MTMR9: variants seen among roughly 807,000 people sequenced by gnomAD.
MTMR9 encodes the protein myotubularin related protein 9, also known as myotubularin-related protein 9.
MTMR9 carries 39 observed loss-of-function variants against 69.5 expected under a neutral mutation model. The observed-to-expected ratio is 0.56, with a 90% confidence interval of 0.43 to 0.73. MTMR9 has a LOEUF of 0.73. Among genes scored for constraint, MTMR9 ranks in the 30% least tolerant of loss-of-function variants. MTMR9 has a pLI of 0.00. For synonymous variants in MTMR9, 354 were observed against 240.8 expected, an observed-to-expected ratio of 1.47 and a Z score of -4.35; for missense variants, 900 against 671.2, an observed-to-expected ratio of 1.34 and a Z score of -3.77.
chr8:11,331,981 T>G, downstream of MTMR9: 1 of 1,611,948 alleles, frequency 6.2e-7, no homozygotes, highest in Non-Finnish European at 8.5e-7. Context: ...GAGGTGGTTG[T>G]GGCCCTTATA....
At chr8:11,313,908 G>T (rs369975207) in intron 6 of MTMR9, among the ~76,000 whole-genome samples, 7 of 152,324 alleles carry the variant, frequency 4.6e-5, no homozygotes, top group African/African-American at 1.7e-4. Context: ...GAAAATGGGT[G>T]CCAGCATACT....
downstream of MTMR9, among the ~76,000 whole-genome samples, chr8:11,330,275 C>T (rs964887364): frequency 4.0e-5 from 6 of 151,660 alleles, no homozygotes; most frequent in South Asian, 8.3e-4. Flanking sequence ...GGCCAGCCGC[C>T]CTGTCCGGGA....
At chr8:11,288,027 A>G (rs1159267859) in intron 1 of MTMR9, among the ~76,000 whole-genome samples, 2 of 125,334 alleles carry the variant, frequency 1.6e-5, no homozygotes, top group Non-Finnish European at 1.6e-5. Flanking sequence ...TACGTATGAT[A>G]TATAATATAT....
At chr8:11,318,764 A>C (rs918558845) in intron 8 of MTMR9, 1 of 152,216 alleles carries the variant, frequency 6.6e-6, no homozygotes, top group African/African-American at 2.4e-5. Flanking sequence ...TTATGTCAAG[A>C]TTCACATTGA....
chr8:11,289,541 C>T (rs554229310), intron 1 of MTMR9, among the ~76,000 whole-genome samples: 106 of 151,976 alleles, frequency 7.0e-4, no homozygotes, highest in African/African-American at 2.3e-3. Context: ...GTTGATGACT[C>T]ATCATTTTCA....
chr8:11,302,762 G>A (rs768076714), intron 3 of MTMR9, among the ~76,000 whole-genome samples: 15 of 152,030 alleles, frequency 9.9e-5, no homozygotes, highest in Non-Finnish European at 1.9e-4. Flanking sequence ...TAGCAAAATT[G>A]TCAATATTTA....
chr8:11,337,889 G>C, the MTMR9 span, among the ~76,000 whole-genome samples: 2 of 152,098 alleles, frequency 1.3e-5, no homozygotes. Context: ...TGTCCTCCTA[G>C]GATTTACTGC....
downstream of MTMR9, among the ~76,000 whole-genome samples, chr8:11,329,995 G>T (rs575367443): frequency 4.2e-3 from 629 of 150,244 alleles, 1 homozygote; most frequent in Non-Finnish European, 6.7e-3. Flanking sequence ...GAGCCCCTCC[G>T]CCTGGCAGCT....
In MTMR9 at chr8:11,326,490, G is replaced by GTTGTT. The variant is rs1800936945; in HGVS notation, c.*3705_*3709dup. 6.7e-6 allele frequency: 1 copy of GTTGTT among 150,228 alleles called. No individual in the cohort carries two copies. Among genetic ancestry groups the GTTGTT allele is most frequent in the Non-Finnish European group, 1.5e-5 (1 of 67,672 alleles). 9.3% of individuals were successfully genotyped at this position (150,228 alleles called of 1,614,324 possible). On this transcript the variant is annotated 3_prime_UTR_variant, in exon 10 of 10. Coordinates refer to ENST00000221086, the MANE Select transcript of MTMR9 (RefSeq NM_015458.4). Reference sequence around the variant, plus strand: ...AAGTTTTGTTGTTGTTGTTGTTGTTGTTGTTTTAATTGGGCAACCCTCAGA... The same window carrying GTTGTT: ...AAGTTTTGTTGTTGTTGTTGTTGTTGTTGTTTTGTTTTAATTGGGCAACCCTCAGA...
intron 8 of MTMR9, chr8:11,318,796 T>C (rs942548132): frequency 6.6e-6 from 1 of 152,240 alleles, no homozygotes; most frequent in African/African-American, 2.4e-5. Context: ...TGACAATCTG[T>C]ATTTTATGTA....
chr8:11,325,839 A>G lies in MTMR9; in HGVS notation c.*3051A>G, dbSNP rs1465756921. 3 of 152,190 alleles carry G rather than the reference A, an allele frequency of 2.0e-5. No homozygotes were observed. The highest frequency in any genetic ancestry group is 7.2e-5 in the African/African-American group (3 of 41,446). The allele number at this position is 152,190 out of a possible 1,614,324, so 9.4% of individuals were successfully genotyped here. On this transcript the variant is annotated 3_prime_UTR_variant, in exon 10 of 10. Transcript: ENST00000221086. Reference sequence around the variant, plus strand: ...AAATTCAGTAGGTTTAAAACAATCTATAAATGTATTTTATTTCCAAGAAAA... The same window carrying G: ...AAATTCAGTAGGTTTAAAACAATCTGTAAATGTATTTTATTTCCAAGAAAA...
intron 1 of MTMR9, among the ~76,000 whole-genome samples, chr8:11,291,493 A>T: frequency 6.6e-6 from 1 of 152,136 alleles, no homozygotes; most frequent in East Asian, 1.9e-4. Context: ...CTGACAATTG[A>T]TGTGAATCAT....
intron 8 of MTMR9, chr8:11,317,492 A>G (rs1031512267): frequency 6.6e-6 from 1 of 152,118 alleles, no homozygotes; most frequent in African/African-American, 2.4e-5. Flanking sequence ...CGCAGCTCAC[A>G]GTAGGGTTTG....
chr8:11,336,058 A>G, the MTMR9 span, among the ~76,000 whole-genome samples: 3 of 152,228 alleles, frequency 2.0e-5, no homozygotes, highest in African/African-American at 7.2e-5. Flanking sequence ...GAATATATAC[A>G]TTTTGGTGAG....
intron 3 of MTMR9, chr8:11,300,488 A>C (rs1799711300): frequency 6.2e-6 from 1 of 161,952 alleles, no homozygotes; most frequent in African/African-American, 2.4e-5. Flanking sequence ...GAATACAGAC[A>C]GCTAAGGCAG....
At chr8:11,313,195 C>A (rs1217352255) in intron 6 of MTMR9, among the ~76,000 whole-genome samples, 4 of 152,238 alleles carry the variant, frequency 2.6e-5, no homozygotes, top group African/African-American at 9.6e-5. Context: ...GAACCAGCCT[C>A]TGCTAGTTTC....
At chr8:11,286,753 C>T (rs1585102792) in intron 1 of MTMR9, among the ~76,000 whole-genome samples, 1 of 151,110 alleles carries the variant, frequency 6.6e-6, no homozygotes, top group Non-Finnish European at 1.5e-5. Context: ...TTCTGTGTCT[C>T]GGCCCTATCC....
chr8:11,302,253 C>CA (rs34305448), intron 3 of MTMR9, among the ~76,000 whole-genome samples: 2,324 of 58,892 alleles, frequency 0.039, 99 homozygotes, highest in African/African-American at 0.091. Flanking sequence ...ACCCTGTCTC[C>CA]AAAAAAAAAA....
downstream of MTMR9, among the ~76,000 whole-genome samples, chr8:11,332,678 T>G (rs372373660): frequency 6.6e-6 from 1 of 152,076 alleles, no homozygotes; most frequent in Non-Finnish European, 1.5e-5. Flanking sequence ...CTCAGCTCAC[T>G]GTAACATCCG....
Sources: allele counts gnomAD v4.1 joint callset (sites outside exome capture counted in the v4.1 genomes callset), GRCh38; gene constraint gnomAD v4.1.1; transcripts MANE v1.5; gene names NCBI Gene and HGNC (gene_info 2026-07-23, HGNC 2026-07-21).